VPS8: variants seen among roughly 807,000 people sequenced by gnomAD.
VPS8 encodes VPS8 subunit of CORVET complex.
In VPS8, 129 loss-of-function variants were observed where a neutral mutation model predicts 216.4. The observed-to-expected ratio is 0.60, with a 90% CI of 0.52 to 0.69. The LOEUF is 0.69. Ranked by LOEUF, VPS8 falls within the 30% of genes least tolerant of loss-of-function variation. VPS8 has a pLI of 0.00. For missense variants in VPS8, 1,531 were observed against 1,683.5 expected, an observed-to-expected ratio of 0.91 and a Z score of 1.59; for synonymous variants, 571 against 565.4, an observed-to-expected ratio of 1.01 and a Z score of -0.14.
intron 45 of VPS8, among the ~76,000 whole-genome samples, chr3:185,002,611 C>T (rs1249805136): frequency 1.3e-5 from 2 of 152,020 alleles, no homozygotes; most frequent in Non-Finnish European, 2.9e-5. Flanking sequence ...CCAGTCCTTC[C>T]CCCCTCCCTG....
chr3:184,818,925 G>A (rs1716941761), intron 1 of VPS8, among the ~76,000 whole-genome samples: 1 of 152,104 alleles, frequency 6.6e-6, no homozygotes. Context: ...GCAGCTACTT[G>A]GGAGACGTGA....
chr3:184,894,958 A>G (rs1733119292), intron 23 of VPS8, 33 bp downstream of exon 23: 3 of 1,527,834 alleles, frequency 2.0e-6, no homozygotes, highest in African/African-American at 1.4e-5. Flanking sequence ...AACTTATGAA[A>G]TAAACTTCAT....
intron 4 of VPS8, among the ~76,000 whole-genome samples, chr3:184,833,350 C>T (rs1720403057): frequency 6.6e-6 from 1 of 152,140 alleles, no homozygotes. Context: ...AGGAATCATA[C>T]TATAAATACA....
At chr3:185,013,859 A>G (rs760192822) in intron 45 of VPS8, among the ~76,000 whole-genome samples, 5 of 152,214 alleles carry the variant, frequency 3.3e-5, no homozygotes. Flanking sequence ...ACATCCCCTT[A>G]GGGGACCAGT....
At chr3:184,972,724 G>A (rs1748626492) in intron 40 of VPS8, among the ~76,000 whole-genome samples, 1 of 152,240 alleles carries the variant, frequency 6.6e-6, no homozygotes, top group Non-Finnish European at 1.5e-5. Context: ...TGAGCAGCAG[G>A]TGCAAGGTGG....
intron 3 of VPS8, 93 bp downstream of exon 3, chr3:184,826,324 C>G: frequency 1.1e-6 from 1 of 895,096 alleles, no homozygotes; most frequent in South Asian, 1.8e-5. Flanking sequence ...TAGATGCGCA[C>G]TTTCCAGTAG....
At chr3:184,973,920 C>T (rs1472012280) in intron 40 of VPS8, among the ~76,000 whole-genome samples, 1 of 152,090 alleles carries the variant, frequency 6.6e-6, no homozygotes, top group East Asian at 1.9e-4. Flanking sequence ...TATATATTTA[C>T]TACATTTTCT....
chr3:184,915,364 T>C lies in VPS8; in HGVS notation c.2272T>C (p.Phe758Leu). The change falls in exon 28 of 48, where the codon TTT (phenylalanine) becomes CTT (leucine). Residue 758 changes from phenylalanine (F) to leucine (L), a missense_variant. Around this residue, in one of 3 missense-constraint regions of VPS8, gnomAD observed 1,318 missense variants for 1,468.4 expected, o/e 0.90. Coordinates refer to ENST00000625842, the MANE Select transcript of VPS8 (RefSeq NM_001009921.3). ...TTTTCCCAACTTGCAGGTTTTTGAATTTCTAATTCGCCTGCATTCAGCAGA... is the reference window on the plus strand; with the variant it reads ...TTTTCCCAACTTGCAGGTTTTTGAACTTCTAATTCGCCTGCATTCAGCAGA... ...VPLVKNQVFE[F>L]LIRLHSAEAS... is the part of the protein sequence containing the mutation. 3 of 1,611,730 alleles carry C rather than the reference T, an allele frequency of 1.9e-6. No homozygotes were observed. Among genetic ancestry groups the C allele is most frequent in the Non-Finnish European group, 1.7e-6 (2 of 1,178,978 alleles).
chr3:184,861,539 T>C (rs1334702739), intron 15 of VPS8, among the ~76,000 whole-genome samples: 3 of 152,224 alleles, frequency 2.0e-5, no homozygotes, highest in African/African-American at 7.2e-5. Flanking sequence ...GACATCAGTG[T>C]TGTCATCACC....
At chr3:184,869,454 T>A in intron 19 of VPS8, 28 bp from the exon 20 acceptor site, 6 of 1,612,460 alleles carry the variant, frequency 3.7e-6, no homozygotes, top group Non-Finnish European at 5.1e-6. Context: ...TAACTTTTGT[T>A]TTTTTGTTGG....
chr3:184,881,735 A>C (rs1730303742), intron 21 of VPS8, among the ~76,000 whole-genome samples: 1 of 152,040 alleles, frequency 6.6e-6, no homozygotes, highest in Non-Finnish European at 1.5e-5. Context: ...GAGAACTGAT[A>C]TTTTTACTAT....
At chr3:185,050,903 C>A (rs1427053594) in intron 47 of VPS8, among the ~76,000 whole-genome samples, 1 of 152,174 alleles carries the variant, frequency 6.6e-6, no homozygotes, top group African/African-American at 2.4e-5. Context: ...CCACAGGTCC[C>A]AACTACTGTT....
At chr3:185,041,826 TGGAC>T (rs1289685369) in intron 46 of VPS8, among the ~76,000 whole-genome samples, 138 of 152,364 alleles carry the variant, frequency 9.1e-4, no homozygotes, top group African/African-American at 3.1e-3. Flanking sequence ...GCCTTCTGCC[TGGAC>T]CTCTGTCTCA....
At position 184,898,497 on chromosome 3, in the gene VPS8, T is replaced by C. The variant is rs143234535; in HGVS notation, c.2005-68T>C. On this transcript the variant is annotated intron_variant, in intron 23 of 47. Coordinates refer to ENST00000625842, the MANE Select transcript of VPS8 (RefSeq NM_001009921.3). ...GAAGAGCATTCAAGACCTTTCCCAT[T>C]CTTAAAGCATTAAGGAAAATAATTG... 3,007 of 1,238,238 alleles carry C rather than the reference T, an allele frequency of 2.4e-3. 21 individuals are homozygous for C. Among genetic ancestry groups the C allele is most frequent in the African/African-American group, 0.018 (1,211 of 65,866 alleles). 76.7% of individuals were successfully genotyped at this position (1,238,238 alleles called of 1,614,324 possible).
intron 28 of VPS8, among the ~76,000 whole-genome samples, chr3:184,918,880 T>G (rs1359363176): frequency 2.0e-5 from 3 of 152,186 alleles, no homozygotes; most frequent in Non-Finnish European, 4.4e-5. Flanking sequence ...GTAGTCCGTC[T>G]TCCTATCTTC....
chr3:184,993,620 A>G (rs1290484821), intron 42 of VPS8, among the ~76,000 whole-genome samples: 1 of 152,182 alleles, frequency 6.6e-6, no homozygotes, highest in Non-Finnish European at 1.5e-5. Flanking sequence ...TGTTGGACAG[A>G]TTCTGGGTAT....
intron 42 of VPS8, among the ~76,000 whole-genome samples, chr3:184,985,282 C>T (rs964964708): frequency 6.6e-6 from 1 of 152,116 alleles, no homozygotes; most frequent in African/African-American, 2.4e-5. Flanking sequence ...AGCAGCAGAA[C>T]CTGGACCACC....
intron 14 of VPS8, 137 bp downstream of exon 14, chr3:184,855,955 C>T: frequency 1.6e-6 from 1 of 636,108 alleles, no homozygotes; most frequent in Non-Finnish European, 2.6e-6. Context: ...TTATCTAAGG[C>T]TTTAATGATT....
intron 5 of VPS8, among the ~76,000 whole-genome samples, chr3:184,835,573 A>G (rs1484889857): frequency 6.6e-6 from 1 of 152,204 alleles, no homozygotes; most frequent in Non-Finnish European, 1.5e-5. Flanking sequence ...TCTGAGTACA[A>G]TGTACAGATT....
Sources: gnomAD v4.1 joint callset for allele counts (sites outside exome capture counted in the v4.1 genomes callset) on GRCh38, gnomAD v4.1.1 for gene constraint, gnomAD v4.1.1 regional missense constraint, MANE v1.5 for transcripts, NCBI Gene and HGNC (gene_info 2026-07-23, HGNC 2026-07-21) for gene names.